Variants in TP53BP1 observed in about 807,000 individuals in gnomAD.
TP53BP1 encodes tumor protein p53 binding protein 1.
TP53BP1 carries 61 observed loss-of-function variants against 200.8 expected under a neutral mutation model. The observed-to-expected ratio is 0.30, with a 90% CI of 0.25 to 0.38. The LOEUF is 0.38. TP53BP1 is among the 10% of genes least tolerant of loss of function. TP53BP1 has a pLI of 1.00. For synonymous variants in TP53BP1, 822 were observed against 844.3 expected (o/e 0.97, Z 0.46); for missense variants, 2,144 against 2,371.9 (o/e 0.90, Z 2.00).
In TP53BP1 at chr15:43,405,177, A is replaced by T; in HGVS notation, c.*2206T>A. The stretch of plus-strand genomic sequence containing the variant: ...TAGTCTTGGGAAAGCATGACACTTA[A>T]TAAGGCTCTTTTTCTCTTTTGTAGT... On this transcript the variant is annotated 3_prime_UTR_variant, in exon 28 of 28. Coordinates refer to ENST00000382044, the MANE Select transcript of TP53BP1 (RefSeq NM_001141980.3). The T allele has an allele frequency of 1.2e-6, 2 of 1,614,076 alleles. No individual in the cohort carries two copies. Among genetic ancestry groups the T allele is most frequent in the Non-Finnish European group, 1.7e-6 (2 of 1,179,938 alleles).
At chr15:43,478,836 G>A in intron 7 of TP53BP1, among the ~76,000 whole-genome samples, 1 of 152,214 alleles carries the variant, frequency 6.6e-6, no homozygotes, top group Admixed American at 6.5e-5. Context: ...CAGACAAGCA[G>A]TGTCTCTGTA....
At chr15:43,502,310 C>T (rs1566972201) in intron 1 of TP53BP1, among the ~76,000 whole-genome samples, 1 of 151,958 alleles carries the variant, frequency 6.6e-6, no homozygotes, top group Non-Finnish European at 1.5e-5. Flanking sequence ...GGCAACACAG[C>T]AAGACTATGT....
intron 4 of TP53BP1, among the ~76,000 whole-genome samples, chr15:43,481,754 G>T (rs184211950): frequency 1.8e-3 from 273 of 150,672 alleles, no homozygotes; most frequent in African/African-American, 6.5e-3. Context: ...GGCGGAGGTT[G>T]CAGTGAGCCG....
intron 12 of TP53BP1, among the ~76,000 whole-genome samples, chr15:43,450,275 T>C (rs2046136505): frequency 6.6e-6 from 1 of 152,226 alleles, no homozygotes; most frequent in Admixed American, 6.5e-5. Flanking sequence ...CTCTCCTAAC[T>C]TTCTGTTATA....
intron 16 of TP53BP1, 99 bp from the exon 17 acceptor site, chr15:43,432,776 G>C (rs2045702328): frequency 7.5e-7 from 1 of 1,331,966 alleles, no homozygotes; most frequent in African/African-American, 1.5e-5. Context: ...GGCAAGGGGG[G>C]AGCCATATTT....
chr15:43,429,126 T>A (rs2045616911), intron 17 of TP53BP1, among the ~76,000 whole-genome samples: 1 of 152,236 alleles, frequency 6.6e-6, no homozygotes, highest in African/African-American at 2.4e-5. Flanking sequence ...TGTTCATAAT[T>A]TTCTATTTAC....
chr15:43,443,137 T>A (rs1003167126), intron 14 of TP53BP1, among the ~76,000 whole-genome samples: 3 of 152,028 alleles, frequency 2.0e-5, no homozygotes, highest in African/African-American at 7.2e-5. Flanking sequence ...GCAGTAACAT[T>A]CTTAAATGAA....
intron 26 of TP53BP1, chr15:43,408,402 G>T: frequency 3.4e-6 from 1 of 297,314 alleles, no homozygotes; most frequent in South Asian, 4.0e-5. Context: ...GATCACTTCA[G>T]CCTGGGAGGT....
chr15:43,506,878 G>T (rs1324197367), intron 1 of TP53BP1, among the ~76,000 whole-genome samples: 1 of 152,028 alleles, frequency 6.6e-6, no homozygotes, highest in South Asian at 2.1e-4. Context: ...TTTGCAAAGG[G>T]TGTAACTTCA....
chr15:43,477,553 T>A, intron 8 of TP53BP1, 40 bp downstream of exon 8: 1 of 1,550,344 alleles, frequency 6.5e-7, no homozygotes, highest in African/African-American at 1.4e-5. Flanking sequence ...AAAGTTTAGA[T>A]CTTTGGAGAA....
intron 14 of TP53BP1, among the ~76,000 whole-genome samples, chr15:43,441,837 G>A (rs544613667): frequency 3.7e-4 from 57 of 152,140 alleles, no homozygotes; most frequent in African/African-American, 1.3e-3. Context: ...TGCAACCTCC[G>A]CCTCCTGGGT....
intron 17 of TP53BP1, among the ~76,000 whole-genome samples, chr15:43,428,431 G>A (rs542369618): frequency 6.6e-6 from 1 of 152,250 alleles, no homozygotes. Flanking sequence ...TCTAGTACTT[G>A]TATTTACGGA....
rs549952518 is a variant in TP53BP1 at position 43,493,125 on chromosome 15, C to G, written c.-82G>C. On this transcript the variant is annotated 5_prime_UTR_variant, in exon 1 of 28. Transcript: ENST00000382044. ...CTCCAGATCGATCCCTAGGTCGCCG[C>G]TGTCGCCACCGCCGCCACCGGCCGC... 1.9e-6 allele frequency: 3 copies of G among 1,592,288 alleles called. No individual in the cohort carries two copies. The highest frequency in any genetic ancestry group is 2.2e-5 in the South Asian group (2 of 89,102).
chr15:43,404,842 A>T lies in TP53BP1; in HGVS notation c.*2541T>A, dbSNP rs939471418. 3 of 480,724 alleles carry T rather than the reference A, an allele frequency of 6.2e-6. No homozygotes were observed. The highest frequency in any genetic ancestry group is 1.1e-5 in the Non-Finnish European group (3 of 271,946). The allele number at this position is 480,724 out of a possible 1,614,324, so 29.8% of individuals were successfully genotyped here. ...AGTGGGCCTTCCACTCCCAATTCTG[A>T]TATGAACTAGCTGTGCAGCCGTGGG... On this transcript the variant is annotated 3_prime_UTR_variant, in exon 28 of 28. Transcript: ENST00000382044.
chr15:43,451,754 C>T (rs1343128155), intron 12 of TP53BP1, among the ~76,000 whole-genome samples: 1 of 152,176 alleles, frequency 6.6e-6, no homozygotes, highest in Non-Finnish European at 1.5e-5. Context: ...CCTGAGGAAT[C>T]GCCACAGTGA....
At chr15:43,442,207 T>A (rs2045940730) in intron 14 of TP53BP1, among the ~76,000 whole-genome samples, 1 of 149,214 alleles carries the variant, frequency 6.7e-6, no homozygotes, top group South Asian at 2.2e-4. Flanking sequence ...TGCCTCAGCC[T>A]CCCCAGCAGC....
chr15:43,474,499 G>C (rs1387558077), intron 10 of TP53BP1, among the ~76,000 whole-genome samples, 174 bp downstream of exon 10: 2 of 150,186 alleles, frequency 1.3e-5, no homozygotes, highest in Non-Finnish European at 3.0e-5. Flanking sequence ...GCAAAGAACT[G>C]AGGACAGCAC....
At chr15:43,468,100 T>A (rs2046634841) in intron 11 of TP53BP1, among the ~76,000 whole-genome samples, 2 of 152,050 alleles carry the variant, frequency 1.3e-5, no homozygotes, top group Non-Finnish European at 2.9e-5. Flanking sequence ...TATAACTTTT[T>A]TTTTTTTTGA....
intron 6 of TP53BP1, 81 bp from the exon 7 acceptor site, chr15:43,479,607 G>T: frequency 1.4e-6 from 2 of 1,453,200 alleles, no homozygotes; most frequent in Non-Finnish European, 1.9e-6. Flanking sequence ...TTTTTAAAAA[G>T]CAAAGATTTT....
Sources: gnomAD v4.1 joint callset for allele counts (sites outside exome capture counted in the v4.1 genomes callset) on GRCh38, gnomAD v4.1.1 for gene constraint, MANE v1.5 for transcripts, NCBI Gene and HGNC (gene_info 2026-07-23, HGNC 2026-07-21) for gene names.